The following LRRC9 variants were observed in gnomAD, a reference collection of about 807,000 sequenced individuals.
LRRC9 encodes the protein leucine-rich repeat-containing protein 9.
A neutral mutation model predicts 63.2 loss-of-function variants in LRRC9; 122 were observed. That is an observed-to-expected ratio of 1.93 (90% CI 1.67 to 2.24). LRRC9 has a LOEUF of 2.24. Among genes scored for constraint, LRRC9 ranks in the 30% most tolerant of loss-of-function variants. The pLI, the probability that LRRC9 is intolerant of heterozygous loss-of-function variation, is 0.00. For synonymous variants in LRRC9, 366 were observed against 213.1 expected (o/e 1.72, Z -6.25); for missense variants, 1,071 against 627.7 (o/e 1.71, Z -7.55).
In LRRC9 at chr14:60,057,772, A is replaced by T. The variant is rs536510947; in HGVS notation, c.4132-106A>T. The T allele has an allele frequency of 1.1e-5, 5 of 451,444 alleles. No individual in the cohort carries two copies. The South Asian group carries it at 3.0e-4, about 27-fold the overall frequency. The allele number at this position is 451,444 out of a possible 1,614,324, so 28.0% of individuals were successfully genotyped here. On this transcript the variant is annotated intron_variant, in intron 30 of 31. Transcript: ENST00000445360. ...AGTTTAGGCAAGCAGGTAGCTCCTG[A>T]CTAAAAAGAATGTTGATTGTCTACT...
rs1884648857 is a variant in LRRC9, at chr14:59,964,587, A to G, written c.1212-2002A>G. Among the ~76,000 whole-genome samples, 1 of 152,088 alleles carries G rather than the reference A, an allele frequency of 6.6e-6. No individual in the cohort carries two copies. Among genetic ancestry groups the G allele is most frequent in the Non-Finnish European group, 1.5e-5 (1 of 68,018 alleles). On this transcript the variant is annotated intron_variant, in intron 10 of 31. Coordinates refer to ENST00000445360, the Ensembl canonical transcript of LRRC9. The surrounding 1 kb of genome is among the most constrained non-coding windows in gnomAD (Gnocchi z 4.4). ...AGACGCCTCAAGCCCAATATCCCCTATATAGCAAAAACTTTATCTAAAACG... is the reference window on the plus strand; with the variant it reads ...AGACGCCTCAAGCCCAATATCCCCTGTATAGCAAAAACTTTATCTAAAACG...
At chr14:59,965,941 G>T (rs1258988101) in intron 10 of LRRC9, among the ~76,000 whole-genome samples, 1 of 132,490 alleles carries the variant, frequency 7.5e-6, no homozygotes, top group Admixed American at 8.2e-5. Context: ...AGGAAGAAAG[G>T]AGAGGATTAT....
intron 18 of LRRC9, 51 bp downstream of exon 18, chr14:59,997,898 A>G: frequency 1.6e-6 from 1 of 621,340 alleles, no homozygotes; most frequent in Non-Finnish European, 2.9e-6. Context: ...TTTCAGAGCC[A>G]TTTCCCTACT....
chr14:59,988,445 T>C (rs1193232841), intron 17 of LRRC9, among the ~76,000 whole-genome samples: 1 of 152,160 alleles, frequency 6.6e-6, no homozygotes, highest in Non-Finnish European at 1.5e-5. Context: ...TTCAACTTCT[T>C]CTCTATTACT....
At chr14:59,982,158 T>C in intron 16 of LRRC9, 98 bp downstream of exon 16, 1 of 617,792 alleles carries the variant, frequency 1.6e-6, no homozygotes, top group Non-Finnish European at 2.9e-6. Flanking sequence ...GCCTGTCTGA[T>C]GATGCCAGGT....
At chr14:59,973,334 T>C (rs1885742161) in intron 12 of LRRC9, 1 of 152,084 alleles carries the variant, frequency 6.6e-6, no homozygotes, top group Non-Finnish European at 1.5e-5. Flanking sequence ...GACTACACTG[T>C]AGCCTTACAA....
rs571388886 is a variant in LRRC9 at position 59,936,296 on chromosome 14, A to G, written c.544-2094A>G. On this transcript the variant is annotated intron_variant, in intron 6 of 31. Transcript: ENST00000445360. This position sits in a 1 kb window ranked among gnomAD's most constrained non-coding sequence, Gnocchi z 4.2. ...ATGGCATTATGACTATCATAAAAAC[A>G]TTGAACGTGATTCACAGGAAGTTTT... Among the ~76,000 whole-genome samples, 13 of 152,306 alleles carry G rather than the reference A, an allele frequency of 8.5e-5. 1 individual carries two copies. The South Asian group carries it at 2.7e-3, about 32-fold the overall frequency.
At position 59,990,998 on chromosome 14, in the gene LRRC9, GA is replaced by G. The variant is rs1316948752; in HGVS notation, c.2211+5778del. 6.6e-6 allele frequency among the ~76,000 whole-genome samples: 1 copy of G among 152,292 alleles called. No individual in the cohort carries two copies. Among genetic ancestry groups the G allele is most frequent in the East Asian group, 1.9e-4 (1 of 5,190 alleles). On this transcript the variant is annotated intron_variant, in intron 17 of 31. Coordinates refer to ENST00000445360, the Ensembl canonical transcript of LRRC9. This position sits in a 1 kb window ranked among gnomAD's most constrained non-coding sequence, Gnocchi z 4.2. ...TAGTTTTGTTGTAAACATTGTCCAT[GA>G]AAATTTGGTTTTATCTATTTGCTCT...
At chr14:59,944,864 A>T in intron 8 of LRRC9, 120 bp downstream of exon 8, 6 of 408,668 alleles carry the variant, frequency 1.5e-5, no homozygotes, top group Admixed American at 4.9e-5. Flanking sequence ...ACACACACAC[A>T]CTCACACACA....
intron 8 of LRRC9, among the ~76,000 whole-genome samples, chr14:59,945,287 A>T (rs1882241820): frequency 1.3e-5 from 2 of 152,016 alleles, no homozygotes; most frequent in African/African-American, 2.4e-5. Flanking sequence ...ACCCTGAAAA[A>T]GTAAGCATTA....
intron 1 of LRRC9, among the ~76,000 whole-genome samples, chr14:59,924,478 C>T (rs559958034): frequency 2.0e-5 from 3 of 152,172 alleles, no homozygotes; most frequent in Admixed American, 1.3e-4. Flanking sequence ...AAGGAATGCG[C>T]GGCATTTCCT....
At chr14:59,995,010 A>AT (rs1363836977) in intron 17 of LRRC9, among the ~76,000 whole-genome samples, 1 of 147,214 alleles carries the variant, frequency 6.8e-6, no homozygotes, top group African/African-American at 2.7e-5. Flanking sequence ...AAGTATAATA[A>AT]AAAAAAAAGA....
At chr14:59,945,305 C>G (rs759935504) in intron 8 of LRRC9, among the ~76,000 whole-genome samples, 10 of 151,794 alleles carry the variant, frequency 6.6e-5, no homozygotes, top group Non-Finnish European at 1.2e-4. Context: ...TTATTTAACT[C>G]AAAACGGAAT....
rs1054108601 is a variant in LRRC9 at position 59,977,412 on chromosome 14, C to A, written c.1762+65C>A. On this transcript the variant is annotated intron_variant, in intron 14 of 31. Transcript: ENST00000445360. Reference sequence around the variant, plus strand: ...GAATGAAAAATGTTTGTGTTTAATACGGATACTCACAATTTTATTTCTACT... The same window carrying A: ...GAATGAAAAATGTTTGTGTTTAATAAGGATACTCACAATTTTATTTCTACT... The A allele has an allele frequency of 9.2e-6, 5 of 545,322 alleles. No individual in the cohort carries two copies. The South Asian group carries it at 1.0e-4, about 11-fold the overall frequency. 33.8% of individuals were successfully genotyped at this position (545,322 alleles called of 1,614,324 possible).
chr14:60,031,854 A>G lies in LRRC9; in HGVS notation c.3922-141A>G, dbSNP rs1892017045. 3.4e-6 allele frequency: 2 copies of G among 581,316 alleles called. No individual in the cohort carries two copies. Among genetic ancestry groups the G allele is most frequent in the African/African-American group, 3.8e-5 (2 of 53,018 alleles). 36.0% of individuals were successfully genotyped at this position (581,316 alleles called of 1,614,324 possible). A position where few individuals can be genotyped will look rare whatever the true frequency, so the allele number is the denominator to read the frequency against. On this transcript the variant is annotated intron_variant, in intron 28 of 31. Transcript: ENST00000445360. The surrounding 1 kb of genome is among the most constrained non-coding windows in gnomAD (Gnocchi z 4.6). ...CTGCCTTTATTCAAGAATACAGAAT[A>G]CTGTCACTCAAGCTCACTTCAGAGA...
chr14:59,924,502 A>C (rs1889040704), intron 1 of LRRC9, among the ~76,000 whole-genome samples: 1 of 152,128 alleles, frequency 6.6e-6, no homozygotes, highest in Non-Finnish European at 1.5e-5. Flanking sequence ...ATATAGACCC[A>C]TCATCTAACC....
At chr14:60,019,865 CAT>C (rs1459805526) in intron 26 of LRRC9, among the ~76,000 whole-genome samples, 1 of 147,414 alleles carries the variant, frequency 6.8e-6, no homozygotes, top group African/African-American at 2.5e-5. Flanking sequence ...TAATACATAT[CAT>C]ATATATGATA....
Position 59,954,036 on chromosome 14 carries a change from C to G in LRRC9, c.883-5782C>G, listed in dbSNP as rs560937659. On this transcript the variant is annotated intron_variant, in intron 8 of 31. Transcript: ENST00000445360. ...TTGGTCTATATATCCATTTTGGTAC[C>G]AGTACCATGCTGTTCTGGTTACTGT... Among the ~76,000 whole-genome samples the G allele has an allele frequency of 3.2e-4, 48 of 152,248 alleles. No homozygotes were observed. In the South Asian group the frequency reaches 3.3e-3, roughly 11 times the overall value.
At chr14:59,965,980 T>C (rs1439574646) in intron 10 of LRRC9, among the ~76,000 whole-genome samples, 1 of 141,714 alleles carries the variant, frequency 7.1e-6, no homozygotes, top group Non-Finnish European at 1.5e-5. Flanking sequence ...AGCTATCAGT[T>C]AAATGGTGGT....
Sources: gnomAD v4.1 joint callset for allele counts (sites outside exome capture counted in the v4.1 genomes callset) on GRCh38, gnomAD v4.1.1 for gene constraint, Gnocchi (gnomAD v3.1) non-coding constraint, MANE v1.5 for transcripts, NCBI Gene and HGNC (gene_info 2026-07-23, HGNC 2026-07-21) for gene names.